The following EXOC4 variants were observed in gnomAD, a reference collection of about 807,000 sequenced individuals.
EXOC4 encodes the protein SEC8-like 1.
EXOC4 carries 71 observed loss-of-function variants against 107.2 expected under a neutral mutation model. That is an observed-to-expected ratio of 0.66 (90% CI 0.55 to 0.81). The LOEUF is 0.81. Ranked by LOEUF, EXOC4 falls within the 30% of genes least tolerant of loss-of-function variation. The probability of loss-of-function intolerance (pLI) is 0.00; values close to 1 mark genes in which losing one functional copy is unlikely to be tolerated. For missense variants in EXOC4, 1,108 were observed against 1,189.6 expected (o/e 0.93, Z 1.01); for synonymous variants, 456 against 441.2 (o/e 1.03, Z -0.42).
intron 9 of EXOC4, among the ~76,000 whole-genome samples, chr7:133,611,155 T>G (rs10242878): frequency 0.024 from 3,584 of 152,068 alleles, 151 homozygotes; most frequent in African/African-American, 0.082. Flanking sequence ...GACTGGTAAT[T>G]GTTAGATTGT....
chr7:134,054,728 T>C (rs1795881902), intron 17 of EXOC4, among the ~76,000 whole-genome samples: 2 of 152,200 alleles, frequency 1.3e-5, no homozygotes, highest in African/African-American at 4.8e-5. Context: ...GCTAGTTATA[T>C]TTTTCTAGAG....
chr7:133,337,919 A>G (rs1471417381), intron 5 of EXOC4, among the ~76,000 whole-genome samples: 2 of 151,692 alleles, frequency 1.3e-5, no homozygotes, highest in Non-Finnish European at 2.9e-5. Context: ...GCATTGAGCC[A>G]CCATGCTGAG....
intron 9 of EXOC4, among the ~76,000 whole-genome samples, chr7:133,592,071 G>GT (rs148005729): frequency 0.033 from 5,024 of 151,920 alleles, 264 homozygotes; most frequent in African/African-American, 0.11. Context: ...CTTTTTTCTT[G>GT]TTTTTTTGAG....
chr7:133,516,004 G>A (rs1010437600), intron 9 of EXOC4, among the ~76,000 whole-genome samples: 6 of 152,096 alleles, frequency 3.9e-5, no homozygotes, highest in African/African-American at 1.4e-4. Context: ...CTTATTATCT[G>A]TGTATCTGCG....
chr7:133,758,078 A>T (rs530600787), intron 10 of EXOC4, among the ~76,000 whole-genome samples: 4 of 152,312 alleles, frequency 2.6e-5, no homozygotes, highest in Non-Finnish European at 5.9e-5. Context: ...TGGGATTATT[A>T]GTAAGTGTGA....
intron 11 of EXOC4, among the ~76,000 whole-genome samples, chr7:133,844,480 C>A (rs1798085367): frequency 7.2e-6 from 1 of 138,298 alleles, no homozygotes; most frequent in African/African-American, 2.7e-5. Flanking sequence ...ACCTCTGCTT[C>A]CCAGGTTCAA....
intron 3 of EXOC4, among the ~76,000 whole-genome samples, chr7:133,303,806 CAAA>C (rs1410806417): frequency 6.6e-6 from 1 of 152,054 alleles, no homozygotes; most frequent in Non-Finnish European, 1.5e-5. Flanking sequence ...TACAATGGCT[CAAA>C]GAAGGAAGGA....
chr7:133,260,682 G>A (rs1795128715), intron 1 of EXOC4, among the ~76,000 whole-genome samples: 1 of 152,144 alleles, frequency 6.6e-6, no homozygotes, highest in African/African-American at 2.4e-5. Flanking sequence ...AAAACCTGCT[G>A]GGATTTTGAT....
Position 133,942,138 on chromosome 7 carries a change from A to G in EXOC4, c.2206+4069A>G, listed in dbSNP as rs186019580. Among the ~76,000 whole-genome samples the G allele has an allele frequency of 1.5e-3, 221 of 152,224 alleles. 3 individuals carry two copies. Among genetic ancestry groups the G allele is most frequent in the South Asian group, 9.4e-3 (45 of 4,812 alleles). ...CTACACAGAATTTGAAGGAGGCTCA[A>G]GGGCTTATTTTGTCACCATGGCTTC... On this transcript the variant is annotated intron_variant, in intron 14 of 17. Transcript: ENST00000253861.
intron 5 of EXOC4, among the ~76,000 whole-genome samples, chr7:133,335,199 T>A (rs538541449): frequency 2.6e-5 from 4 of 152,310 alleles, no homozygotes; most frequent in African/African-American, 7.2e-5. Context: ...GCTTAAAAAT[T>A]TTTTTTAATG....
intron 7 of EXOC4, among the ~76,000 whole-genome samples, chr7:133,387,945 A>G (rs545045926): frequency 1.3e-5 from 2 of 152,040 alleles, no homozygotes; most frequent in Admixed American, 6.6e-5. Context: ...GAACAGCACT[A>G]TAAAGACCTG....
At chr7:133,437,274 A>AC (rs2150784996) in intron 7 of EXOC4, among the ~76,000 whole-genome samples, 1 of 152,266 alleles carries the variant, frequency 6.6e-6, no homozygotes, top group Non-Finnish European at 1.5e-5. Context: ...ATGATTATCC[A>AC]CCAGATGTTT....
At chr7:133,889,539 A>G (rs113294542) in intron 11 of EXOC4, among the ~76,000 whole-genome samples, 15,548 of 138,294 alleles carry the variant, frequency 0.11, 896 homozygotes, top group Middle Eastern at 0.15. Context: ...GTCATCTAGC[A>G]TTAGGTATAT....
At chr7:134,048,032 G>T (rs1003931998) in intron 17 of EXOC4, among the ~76,000 whole-genome samples, 1 of 152,186 alleles carries the variant, frequency 6.6e-6, no homozygotes, top group Admixed American at 6.5e-5. Context: ...AGTGCTGATT[G>T]GTTGAGTCAC....
At chr7:134,072,384 T>TGTG in the EXOC4 span, among the ~76,000 whole-genome samples, 2 of 152,096 alleles carry the variant, frequency 1.3e-5, no homozygotes, top group Admixed American at 6.6e-5. Context: ...TGCTGCTGTT[T>TGTG]GTGGTGGTGG....
intron 1 of EXOC4, among the ~76,000 whole-genome samples, chr7:133,262,650 A>C (rs187269996): frequency 3.1e-4 from 47 of 152,318 alleles, no homozygotes; most frequent in Non-Finnish European, 1.3e-4. Flanking sequence ...ATCACTTGAG[A>C]GCTTGTTAGA....
intron 10 of EXOC4, among the ~76,000 whole-genome samples, chr7:133,753,858 TGAA>T (rs1795844442): frequency 1.3e-5 from 2 of 152,212 alleles, no homozygotes; most frequent in African/African-American, 4.8e-5. Context: ...TGTGGAATGT[TGAA>T]GGAGTGTAAG....
intron 5 of EXOC4, among the ~76,000 whole-genome samples, chr7:133,355,487 G>A (rs1796001402): frequency 1.3e-5 from 2 of 152,104 alleles, no homozygotes; most frequent in African/African-American, 4.8e-5. Context: ...ACTTTGGAGA[G>A]CAAGGCCTGT....
At chr7:133,601,031 A>G (rs1271891411) in intron 9 of EXOC4, among the ~76,000 whole-genome samples, 1 of 152,206 alleles carries the variant, frequency 6.6e-6, no homozygotes, top group East Asian at 1.9e-4. Flanking sequence ...GTTGTCCTGT[A>G]AGAGTACTTA....
Sources: allele counts gnomAD v4.1 joint callset (sites outside exome capture counted in the v4.1 genomes callset), GRCh38; gene constraint gnomAD v4.1.1; transcripts MANE v1.5; gene names NCBI Gene and HGNC (gene_info 2026-07-23, HGNC 2026-07-21).